Variants in SLC6A3 observed in about 807,000 individuals in gnomAD.
The protein encoded by SLC6A3 is solute carrier family 6 member 3.
Under a neutral mutation model 70.4 loss-of-function variants are expected in SLC6A3, and 19 were observed. The ratio of observed to expected loss-of-function variants is 0.27; its 90% CI spans 0.19 to 0.40. SLC6A3 has a LOEUF of 0.40. Among genes scored for constraint, SLC6A3 ranks in the 10% least tolerant of loss-of-function variants. SLC6A3 has a pLI of 1.00. For synonymous variants in SLC6A3, 368 were observed against 356.6 expected (o/e 1.03, Z -0.36); for missense variants, 613 against 838.5 (o/e 0.73, Z 3.32).
rs371319988 is a variant in SLC6A3, at chr5:1,406,801, C to T, written c.1499-513G>A. Among the ~76,000 whole-genome samples, 4 of 149,354 alleles carry T rather than the reference C, an allele frequency of 2.7e-5. No individual in the cohort carries two copies. Among genetic ancestry groups the T allele is most frequent in the South Asian group, 4.2e-4 (2 of 4,806 alleles). On this transcript the variant is annotated intron_variant, in intron 11 of 14. Transcript: ENST00000270349. This position sits in a 1 kb window ranked among gnomAD's most constrained non-coding sequence, Gnocchi z 8.8. ...GCCCTCATGAAACGCCAACTCCTCC[C>T]GACCCCCAACCCCCGCCAGGCCCCA...
Position 1,443,091 on chromosome 5 carries a change from T to G in SLC6A3, c.107A>C (p.Glu36Ala). 6.2e-7 allele frequency: 1 copy of G among 1,614,186 alleles called. No homozygotes were observed. The highest frequency in any genetic ancestry group is 8.5e-7 in the Non-Finnish European group (1 of 1,180,024). ...PKEVELILVK[E>A]QNGVQLTSST... ...GCTGGTGAGCTGCACTCCGTTCTGC[T>G]CCTTGACAAGGATGAGCTCCACCTC... The change falls in exon 2 of 15, where the codon GAG (glutamate) becomes GCG (alanine). Residue 36 changes from glutamate to alanine, a missense_variant. This residue lies in a region of SLC6A3 where 111 missense variants were observed against 91.6 expected (regional missense o/e 1.21). Transcript: ENST00000270349.
intron 7 of SLC6A3, 62 bp downstream of exon 7, chr5:1,416,036 G>GGAAGTCAGCGACCTCTCCCTA: frequency 8.0e-7 from 1 of 1,256,902 alleles, no homozygotes; most frequent in East Asian, 2.3e-5. Context: ...CCCTATTTCT[G>GGAAGTCAGCGACCTCTCCCTA]GAAGTCAGCG....
rs963334577 is a variant in SLC6A3, at chr5:1,413,167, C to T, written c.1156+1524G>A. 6.6e-6 allele frequency among the ~76,000 whole-genome samples: 1 copy of T among 152,156 alleles called. No individual in the cohort carries two copies. Among genetic ancestry groups the T allele is most frequent in the East Asian group, 1.9e-4 (1 of 5,196 alleles). ...AATAGAGGTTTTTGCAAACTATGCT[C>T]GTTATCATAATAAAGGGCAAAAAGA... On this transcript the variant is annotated intron_variant, in intron 8 of 14. Coordinates refer to ENST00000270349, the MANE Select transcript of SLC6A3 (RefSeq NM_001044.5). This position sits in a 1 kb window ranked among gnomAD's most constrained non-coding sequence, Gnocchi z 7.1.
intron 4 of SLC6A3, among the ~76,000 whole-genome samples, chr5:1,430,501 C>T (rs11737901): frequency 0.23 from 35,503 of 152,120 alleles, 5,389 homozygotes; most frequent in Non-Finnish European, 0.35. Flanking sequence ...AGAGACCGAA[C>T]GCCTGCCCAC....
rs546375927 is a variant in SLC6A3, at chr5:1,413,923, C to A, written c.1156+768G>T. The stretch of plus-strand genomic sequence containing the variant: ...GTCCTGCCGGCTCCATCCTGCCTGG[C>A]ACACTTCTTGCTGTGGCCAAGGCCT... On this transcript the variant is annotated intron_variant, in intron 8 of 14. Coordinates refer to ENST00000270349, the MANE Select transcript of SLC6A3 (RefSeq NM_001044.5). This position sits in a 1 kb window ranked among gnomAD's most constrained non-coding sequence, Gnocchi z 7.1. Among the ~76,000 whole-genome samples, 1 of 152,334 alleles carries A rather than the reference C, an allele frequency of 6.6e-6. No individual in the cohort carries two copies. The highest frequency in any genetic ancestry group is 1.9e-4 in the East Asian group (1 of 5,174).
At position 1,438,337 on chromosome 5, in the gene SLC6A3, T is replaced by G. The variant is rs2927684; in HGVS notation, c.418+3022A>C. Among the ~76,000 whole-genome samples, 4,618 of 152,308 alleles carry G rather than the reference T, an allele frequency of 0.03. 223 individuals are homozygous for G. The highest frequency in any genetic ancestry group is 0.1 in the African/African-American group (4,193 of 41,556). On this transcript the variant is annotated intron_variant, in intron 3 of 14. Transcript: ENST00000270349. This position sits in a 1 kb window ranked among gnomAD's most constrained non-coding sequence, Gnocchi z 6.5. ...TCAGAACGAAGCTGGCGGCATGGAA[T>G]GCGGGATTGTGGGCACAGGGTCTGT...
At position 1,401,247 on chromosome 5, in the gene SLC6A3, C is replaced by T; in HGVS notation, c.1768-261G>A. On this transcript the variant is annotated intron_variant, in intron 13 of 14. Transcript: ENST00000270349. This position sits in a 1 kb window ranked among gnomAD's most constrained non-coding sequence, Gnocchi z 6.1. ...CCTTAAAGTCTAGCGCAGAGCAGAA[C>T]ATCAGCATTTGAGCACTCGCTTGAA... The T allele has an allele frequency of 1.5e-6, 1 of 679,856 alleles. No homozygotes were observed. Among genetic ancestry groups the T allele is most frequent in the Non-Finnish European group, 2.7e-6 (1 of 370,408 alleles). The allele number at this position is 679,856 out of a possible 1,614,324, so 42.1% of individuals were successfully genotyped here. A position where few individuals can be genotyped will look rare whatever the true frequency, so the allele number is the denominator to read the frequency against.
Position 1,405,017 on chromosome 5 carries a change from G to A in SLC6A3, c.1599+1171C>T, listed in dbSNP as rs1418686802. 6.6e-6 allele frequency among the ~76,000 whole-genome samples: 1 copy of A among 152,166 alleles called. No individual in the cohort carries two copies. Among genetic ancestry groups the A allele is most frequent in the Admixed American group, 6.5e-5 (1 of 15,276 alleles). ...GGGGGAGAGCGGGAGGTGGGCAGGA[G>A]GCTGACTTTCTGGGAGGGCTTCCTC... On this transcript the variant is annotated intron_variant, in intron 12 of 14. Coordinates refer to ENST00000270349, the MANE Select transcript of SLC6A3 (RefSeq NM_001044.5). The surrounding 1 kb of genome is among the most constrained non-coding windows in gnomAD (Gnocchi z 5.3).
chr5:1,395,642 G>C (rs939592499), intron 14 of SLC6A3, among the ~76,000 whole-genome samples: 3 of 152,222 alleles, frequency 2.0e-5, no homozygotes, highest in Non-Finnish European at 2.9e-5. Context: ...TGCAGCTCGG[G>C]GCTCAGTGAA....
At position 1,441,401 on chromosome 5, in the gene SLC6A3, C is replaced by T. The variant is rs746351989; in HGVS notation, c.376G>A (p.Glu126Lys). The T allele has an allele frequency of 6.2e-7, 1 of 1,614,268 alleles. No homozygotes were observed. Among genetic ancestry groups the T allele is most frequent in the Admixed American group, 1.7e-5 (1 of 60,028 alleles). ...MELALGQFNR[E>K]GAAGVWKICP... is the part of the protein sequence containing the mutation. ...ATCTTCCAGACACCAGCGGCCCCTTCCCTGTTGAACTGGCCGAGGGCCAGC... is the reference window on the plus strand; with the variant it reads ...ATCTTCCAGACACCAGCGGCCCCTTTCCTGTTGAACTGGCCGAGGGCCAGC... Residue 126 changes from glutamate (E) to lysine (K), a missense_variant, in exon 3 of 15, where the codon GAA (glutamate) becomes AAA (lysine). Physicochemically the swap from Glu to Lys is moderately conservative, Grantham distance 56. This residue lies in a region of SLC6A3 where 153 missense variants were observed against 249.4 expected (regional missense o/e 0.61). Transcript: ENST00000270349.
rs141704042 is a variant in SLC6A3 at position 1,438,568 on chromosome 5, T to C, written c.418+2791A>G. On this transcript the variant is annotated intron_variant, in intron 3 of 14. Coordinates refer to ENST00000270349, the MANE Select transcript of SLC6A3 (RefSeq NM_001044.5). The surrounding 1 kb of genome is among the most constrained non-coding windows in gnomAD (Gnocchi z 6.5). Reference sequence around the variant, plus strand: ...TCTTGACATTTTATGGACTACACCATGAAGACCCACAACGGCAGCTTTGTT... The same window carrying C: ...TCTTGACATTTTATGGACTACACCACGAAGACCCACAACGGCAGCTTTGTT... 6.6e-5 allele frequency among the ~76,000 whole-genome samples: 10 copies of C among 152,376 alleles called. No homozygotes were observed. The highest frequency in any genetic ancestry group is 1.2e-4 in the Non-Finnish European group (8 of 68,036).
In SLC6A3 at chr5:1,416,307, T is replaced by C. The variant is rs1283516863; in HGVS notation, c.928-106A>G. On this transcript the variant is annotated intron_variant, in intron 6 of 14. Coordinates refer to ENST00000270349, the MANE Select transcript of SLC6A3 (RefSeq NM_001044.5). The stretch of plus-strand genomic sequence containing the variant: ...CAGCCCCACACTGAGGCCTCTAAAC[T>C]CAACACCATCCTCAAGAAGTAAATG... The C allele has an allele frequency of 6.5e-6, 5 of 771,408 alleles. No individual in the cohort carries two copies. The African/African-American group carries it at 8.5e-5, about 13-fold the overall frequency. 47.8% of individuals were successfully genotyped at this position (771,408 alleles called of 1,614,324 possible).
chr5:1,417,851 C>T (rs1358985860), intron 6 of SLC6A3, among the ~76,000 whole-genome samples: 1 of 152,196 alleles, frequency 6.6e-6, no homozygotes, highest in African/African-American at 2.4e-5. Context: ...GCTGGGGAGG[C>T]CAGGTGGGTC....
chr5:1,411,500 T>C lies in SLC6A3; in HGVS notation c.1157-145A>G, dbSNP rs1445763936. On this transcript the variant is annotated intron_variant, in intron 8 of 14. Transcript: ENST00000270349. This position sits in a 1 kb window ranked among gnomAD's most constrained non-coding sequence, Gnocchi z 6.5. The stretch of plus-strand genomic sequence containing the variant: ...GGCTCTGCTGAAAAGCCCCCTTCTA[T>C]ATGTCCAGCAGACCAGGCCTGGGAC... 2.8e-6 allele frequency: 2 copies of C among 709,242 alleles called. No homozygotes were observed. Among genetic ancestry groups the C allele is most frequent in the African/African-American group, 1.7e-5 (1 of 57,192 alleles). The allele number at this position is 709,242 out of a possible 1,614,324, so 43.9% of individuals were successfully genotyped here.
At position 1,396,911 on chromosome 5, in the gene SLC6A3, T is replaced by A. The variant is rs1242615290; in HGVS notation, c.1840-2153A>T. On this transcript the variant is annotated intron_variant, in intron 14 of 14. Coordinates refer to ENST00000270349, the MANE Select transcript of SLC6A3 (RefSeq NM_001044.5). This position sits in a 1 kb window ranked among gnomAD's most constrained non-coding sequence, Gnocchi z 7.0. ...AATTGTAAGAAGGGCAAGGGAAAGA[T>A]CAAGCTAGACGCAGATACAGAATGG... Among the ~76,000 whole-genome samples, 2 of 152,064 alleles carry A rather than the reference T, an allele frequency of 1.3e-5. No homozygotes were observed. Among genetic ancestry groups the A allele is most frequent in the African/African-American group, 4.8e-5 (2 of 41,408 alleles).
At position 1,422,140 on chromosome 5, in the gene SLC6A3, A is replaced by C. The variant is rs891225717; in HGVS notation, c.654-126T>G. The stretch of plus-strand genomic sequence containing the variant: ...GGGCAGAAAGCATCCAGTCTGATGG[A>C]CAAGAGATGCCTTCCAGGGAGGTCT... On this transcript the variant is annotated intron_variant, in intron 4 of 14. Coordinates refer to ENST00000270349, the MANE Select transcript of SLC6A3 (RefSeq NM_001044.5). 5.8e-6 allele frequency: 6 copies of C among 1,041,816 alleles called. No homozygotes were observed. In the African/African-American group the frequency reaches 7.8e-5, roughly 14 times the overall value. The allele number at this position is 1,041,816 out of a possible 1,614,324, so 64.5% of individuals were successfully genotyped here. A position where few individuals can be genotyped will look rare whatever the true frequency, so the allele number is the denominator to read the frequency against.
chr5:1,423,540 A>G (rs1756511719), intron 4 of SLC6A3, among the ~76,000 whole-genome samples: 1 of 152,242 alleles, frequency 6.6e-6, no homozygotes, highest in African/African-American at 2.4e-5. Flanking sequence ...GAACAGATTC[A>G]GTGGATGACT....
At chr5:1,420,906 G>C (rs1340324232) in intron 5 of SLC6A3, among the ~76,000 whole-genome samples, 1 of 152,260 alleles carries the variant, frequency 6.6e-6, no homozygotes, top group Non-Finnish European at 1.5e-5. Flanking sequence ...ACCCTCCCCA[G>C]GGATGGAAAG....
chr5:1,400,782 C>G lies in SLC6A3; in HGVS notation c.1839+133G>C, dbSNP rs182036633. On this transcript the variant is annotated intron_variant, in intron 14 of 14. Transcript: ENST00000270349. The stretch of plus-strand genomic sequence containing the variant: ...CCTGCCACCACTGGCTGCCTGTCCT[C>G]ATAGAGCACATGCTGGCTGAGTAAA... The G allele has an allele frequency of 4.1e-4, 305 of 742,000 alleles. No individual in the cohort carries two copies. The African/African-American group carries it at 4.4e-3, about 11-fold the overall frequency. The allele number at this position is 742,000 out of a possible 1,614,324, so 46.0% of individuals were successfully genotyped here.
Sources: gnomAD v4.1 joint callset for allele counts (sites outside exome capture counted in the v4.1 genomes callset) on GRCh38, gnomAD v4.1.1 for gene constraint, gnomAD v4.1.1 regional missense constraint, Gnocchi (gnomAD v3.1) non-coding constraint, MANE v1.5 for transcripts, NCBI Gene and HGNC (gene_info 2026-07-23, HGNC 2026-07-21) for gene names.